Variants in UNC79 observed in about 807,000 individuals in gnomAD.
The protein encoded by UNC79 is protein unc-79 homolog.
Under a neutral mutation model 283.1 loss-of-function variants are expected in UNC79, and 37 were observed. That is an observed-to-expected ratio of 0.13 (90% CI 0.10 to 0.17). The LOEUF (loss-of-function observed/expected upper bound fraction) is 0.17, where lower values mean the gene tolerates loss of function less well. Among genes scored for constraint, UNC79 ranks in the 10% least tolerant of loss-of-function variants. The pLI is 1.00. For missense variants in UNC79, 2,272 were observed against 3,211.1 expected, an observed-to-expected ratio of 0.71 and a Z score of 7.07; for synonymous variants, 1,107 against 1,200.2, an observed-to-expected ratio of 0.92 and a Z score of 1.61.
At chr14:93,496,978 C>A (rs1427986484) in intron 6 of UNC79, among the ~76,000 whole-genome samples, 179 bp from the exon 7 acceptor site, 3 of 152,156 alleles carry the variant, frequency 2.0e-5, no homozygotes, top group Non-Finnish European at 4.4e-5. Context: ...ATAAATAAAT[C>A]ATGAAAATAT....
At chr14:93,536,206 C>T (rs77248677) in intron 11 of UNC79, among the ~76,000 whole-genome samples, 2,966 of 152,240 alleles carry the variant, frequency 0.019, 92 homozygotes, top group African/African-American at 0.068. Flanking sequence ...TAGTCATGTC[C>T]GAATCTCTGA....
At chr14:93,578,164 A>G in intron 18 of UNC79, 101 bp downstream of exon 18, 1 of 1,158,412 alleles carries the variant, frequency 8.6e-7, no homozygotes, top group Non-Finnish European at 1.2e-6. Flanking sequence ...CACTTATCAA[A>G]ATGATTCAGC....
chr14:93,547,483 A>G (rs2061658582), intron 14 of UNC79, among the ~76,000 whole-genome samples: 1 of 152,238 alleles, frequency 6.6e-6, no homozygotes, highest in Non-Finnish European at 1.5e-5. Context: ...GTTATCAGAA[A>G]TGTCAAAAGA....
At chr14:93,561,484 C>T (rs1008868396) in intron 14 of UNC79, among the ~76,000 whole-genome samples, 2 of 151,762 alleles carry the variant, frequency 1.3e-5, no homozygotes, top group Admixed American at 1.3e-4. Flanking sequence ...GAGATGTTTC[C>T]CAGCCTGTAT....
intron 40 of UNC79, among the ~76,000 whole-genome samples, chr14:93,667,057 T>C (rs2072280834): frequency 6.6e-6 from 1 of 151,542 alleles, no homozygotes; most frequent in Admixed American, 6.6e-5. Flanking sequence ...CAAGCTATGA[T>C]TGCACCAACT....
At chr14:93,361,121 G>A (rs1384521280) in intron 1 of UNC79, among the ~76,000 whole-genome samples, 2 of 145,376 alleles carry the variant, frequency 1.4e-5, no homozygotes, top group African/African-American at 5.1e-5. Flanking sequence ...GTCTGAGTTA[G>A]GAGAATCACG....
chr14:93,385,694 G>C (rs8020222), intron 1 of UNC79, among the ~76,000 whole-genome samples: 107,054 of 151,534 alleles, frequency 0.71, 38,286 homozygotes, highest in Middle Eastern at 0.78. Context: ...CAGGAGAATT[G>C]CTTGAACCCA....
Position 93,470,673 on chromosome 14 carries a change from G to A in UNC79, c.143+2882G>A, listed in dbSNP as rs1595547294. On this transcript the variant is annotated intron_variant, in intron 2 of 48. Coordinates refer to ENST00000555664, the Ensembl canonical transcript of UNC79. ...TAATCTAGTGGTGACCTGGGGTCTGGTAAAGTTACATCTGAGTGCCGAGTT... is the reference window on the plus strand; with the variant it reads ...TAATCTAGTGGTGACCTGGGGTCTGATAAAGTTACATCTGAGTGCCGAGTT... Among the ~76,000 whole-genome samples the A allele has an allele frequency of 4.6e-5, 7 of 152,300 alleles. No homozygotes were observed. The South Asian group carries it at 1.5e-3, about 32-fold the overall frequency.
intron 29 of UNC79, among the ~76,000 whole-genome samples, chr14:93,619,287 T>C (rs1287931467): frequency 3.3e-5 from 5 of 152,170 alleles, no homozygotes; most frequent in African/African-American, 9.7e-5. Context: ...CTCTGGCAAA[T>C]TGGGGAGATC....
At chr14:93,355,329 G>C (rs948144622) in intron 1 of UNC79, among the ~76,000 whole-genome samples, 1 of 152,200 alleles carries the variant, frequency 6.6e-6, no homozygotes, top group Non-Finnish European at 1.5e-5. Flanking sequence ...CTCCCAAGTA[G>C]CTGGGATTAT....
chr14:93,569,021 A>G (rs1274480457), intron 14 of UNC79, among the ~76,000 whole-genome samples: 1 of 152,260 alleles, frequency 6.6e-6, no homozygotes, highest in Non-Finnish European at 1.5e-5. Flanking sequence ...ATTAGTATTT[A>G]TCAGGAGGGG....
intron 35 of UNC79, among the ~76,000 whole-genome samples, chr14:93,648,194 C>T (rs145067897): frequency 8.1e-4 from 124 of 152,254 alleles, no homozygotes; most frequent in African/African-American, 2.8e-3. Context: ...TGCTGTATGG[C>T]ATTGCATCTA....
At chr14:93,579,934 G>A (rs1284296762) in intron 18 of UNC79, among the ~76,000 whole-genome samples, 2 of 152,044 alleles carry the variant, frequency 1.3e-5, no homozygotes, top group Non-Finnish European at 2.9e-5. Context: ...GCTTCATCTT[G>A]TGTTTATATT....
At chr14:93,383,020 C>T (rs1357697489) in intron 1 of UNC79, among the ~76,000 whole-genome samples, 9 of 152,140 alleles carry the variant, frequency 5.9e-5, no homozygotes, top group Non-Finnish European at 1.3e-4. Context: ...GGCTTATTAT[C>T]TGAAAGGCTA....
exon 19 of UNC79, chr14:93,580,260 T>C (rs2063718290): frequency 6.2e-7 from 1 of 1,614,104 alleles, no homozygotes; most frequent in South Asian, 1.1e-5. Context: ...ATCCCACACC[T>C]GCCAGAAGGA....
intron 1 of UNC79, among the ~76,000 whole-genome samples, chr14:93,439,312 T>TTTCTC (rs145722986): frequency 2.9e-4 from 20 of 69,242 alleles, no homozygotes; most frequent in Non-Finnish European, 5.8e-4. Flanking sequence ...ATCTCTTGTA[T>TTTCTC]TTCTAAGTAA....
At chr14:93,347,409 A>G (rs2053876028) in intron 1 of UNC79, 1 of 1,461,818 alleles carries the variant, frequency 6.8e-7, no homozygotes, top group African/African-American at 1.5e-5. Context: ...GTTGAGGCCC[A>G]GCCATCATGG....
intron 1 of UNC79, among the ~76,000 whole-genome samples, chr14:93,396,975 G>T (rs1566911317): frequency 6.6e-6 from 1 of 152,076 alleles, no homozygotes; most frequent in Non-Finnish European, 1.5e-5. Context: ...ATATATGTGT[G>T]TGGTCATCTA....
chr14:93,386,262 A>T (rs1275812640), intron 1 of UNC79, among the ~76,000 whole-genome samples: 1 of 152,156 alleles, frequency 6.6e-6, no homozygotes, highest in South Asian at 2.1e-4. Context: ...TGTTCATATG[A>T]TGTATCATAT....
Sources: allele counts gnomAD v4.1 joint callset (sites outside exome capture counted in the v4.1 genomes callset), GRCh38; gene constraint gnomAD v4.1.1; transcripts MANE v1.5; gene names NCBI Gene and HGNC (gene_info 2026-07-23, HGNC 2026-07-21).